NCAPD2: variants seen among roughly 807,000 people sequenced by gnomAD.
NCAPD2 encodes non-SMC condensin I complex subunit D2.
NCAPD2 carries 100 observed loss-of-function variants against 164.5 expected under a neutral mutation model. The observed-to-expected ratio is 0.61, with a 90% CI of 0.52 to 0.72. The LOEUF (loss-of-function observed/expected upper bound fraction) is 0.72. Among genes scored for constraint, NCAPD2 ranks in the 30% least tolerant of loss-of-function variants. NCAPD2 has a pLI of 0.00. For missense variants in NCAPD2, 1,560 were observed against 1,749.2 expected, an observed-to-expected ratio of 0.89 and a Z score of 1.93; for synonymous variants, 585 against 642.6, an observed-to-expected ratio of 0.91 and a Z score of 1.36.
intron 2 of NCAPD2, among the ~76,000 whole-genome samples, chr12:6,504,182 CATATATAT>C (rs1176237960): frequency 3.5e-4 from 20 of 57,740 alleles, no homozygotes; most frequent in Admixed American, 1.5e-3. Context: ...TATATATATA[CATATATAT>C]ATATATATAT....
chr12:6,505,077 T>A (rs1946086625), intron 2 of NCAPD2, among the ~76,000 whole-genome samples: 1 of 152,142 alleles, frequency 6.6e-6, no homozygotes, highest in South Asian at 2.1e-4. Context: ...ATGCAATTTT[T>A]GTTTTGAGAC....
rs543177638 is a variant in NCAPD2 at position 6,526,838 on chromosome 12, G to A, written c.2735-53G>A. 5 of 1,555,370 alleles carry A rather than the reference G, an allele frequency of 3.2e-6. No homozygotes were observed. In the African/African-American group the frequency reaches 6.8e-5, roughly 21 times the overall value. The stretch of plus-strand genomic sequence containing the variant: ...ATCAGTAAAAATCGGATTCAGGTTT[G>A]ATGGGACTTAAAAATGTCTCTTTGC... On this transcript the variant is annotated intron_variant, in intron 21 of 31. Coordinates refer to ENST00000315579, the MANE Select transcript of NCAPD2 (RefSeq NM_014865.4).
Position 6,531,113 on chromosome 12 carries a change from C to A in NCAPD2, c.4120+37C>A, listed in dbSNP as rs758192312. On this transcript the variant is annotated intron_variant, in intron 31 of 31. Coordinates refer to ENST00000315579, the MANE Select transcript of NCAPD2 (RefSeq NM_014865.4). This position sits in a 1 kb window ranked among gnomAD's most constrained non-coding sequence, Gnocchi z 4.1. ...CCGCCTGTTCCCGGCCGAGAAGGCACACAGCTAGGGTGCAGAGGGCTGGTT... is the reference window on the plus strand; with the variant it reads ...CCGCCTGTTCCCGGCCGAGAAGGCAAACAGCTAGGGTGCAGAGGGCTGGTT... 6.2e-7 allele frequency: 1 copy of A among 1,611,144 alleles called. No individual in the cohort carries two copies. Among genetic ancestry groups the A allele is most frequent in the East Asian group, 2.2e-5 (1 of 44,872 alleles).
At chr12:6,507,840 C>T (rs1347017331) in intron 2 of NCAPD2, among the ~76,000 whole-genome samples, 2 of 150,796 alleles carry the variant, frequency 1.3e-5, no homozygotes, top group East Asian at 1.9e-4. Flanking sequence ...AAGGCAGAAA[C>T]GAAAAAAAGA....
intron 12 of NCAPD2, 31 bp downstream of exon 12, chr12:6,517,714 C>T (rs1565543846): frequency 6.2e-7 from 1 of 1,614,030 alleles, no homozygotes. Context: ...AGTCCTAATG[C>T]CAGACAGGCT....
Position 6,531,108 on chromosome 12 carries a change from A to G in NCAPD2, c.4120+32A>G. 1 of 1,611,768 alleles carries G rather than the reference A, an allele frequency of 6.2e-7. No individual in the cohort carries two copies. The highest frequency in any genetic ancestry group is 8.5e-7 in the Non-Finnish European group (1 of 1,179,606). On this transcript the variant is annotated intron_variant, in intron 31 of 31. Transcript: ENST00000315579. The surrounding 1 kb of genome is among the most constrained non-coding windows in gnomAD (Gnocchi z 4.1). ...TGCTCCCGCCTGTTCCCGGCCGAGAAGGCACACAGCTAGGGTGCAGAGGGC... is the reference window on the plus strand; with the variant it reads ...TGCTCCCGCCTGTTCCCGGCCGAGAGGGCACACAGCTAGGGTGCAGAGGGC...
rs3076239 is a variant in NCAPD2 at position 6,523,398 on chromosome 12, G to GTTTTTTTT, written c.2214+62_2214+69dup. Reference sequence around the variant, plus strand: ...TATTCATTCAACAAGTATTTTGGTTGTTTTTTTTTTTTTTTTTGAGACGGA... The same window carrying GTTTTTTTT: ...TATTCATTCAACAAGTATTTTGGTTGTTTTTTTTTTTTTTTTTTTTTTTTTGAGACGGA... On this transcript the variant is annotated intron_variant, in intron 17 of 31. Transcript: ENST00000315579. The GTTTTTTTT allele has an allele frequency of 9.6e-4, 839 of 871,964 alleles. 10 individuals are homozygous for GTTTTTTTT. Among genetic ancestry groups the GTTTTTTTT allele is most frequent in the African/African-American group, 2.8e-3 (126 of 44,642 alleles). The allele number at this position is 871,964 out of a possible 1,614,324, so 54.0% of individuals were successfully genotyped here.
intron 2 of NCAPD2, 132 bp from the exon 3 acceptor site, chr12:6,509,585 T>C: frequency 1.2e-6 from 1 of 859,094 alleles, no homozygotes; most frequent in East Asian, 2.5e-5. Context: ...TAGGTTACAT[T>C]GAAGTGAACT....
Position 6,529,507 on chromosome 12 carries a change from C to T in NCAPD2, c.3573-6C>T, listed in dbSNP as rs1316245326. On this transcript the variant is annotated splice_region_variant and splice_polypyrimidine_tract_variant and intron_variant, in intron 27 of 31. Transcript: ENST00000315579. Reference sequence around the variant, plus strand: ...CATCGAACATCCTCATCTCCCCTTCCTGCAGACAGCTCCTCTCCTACATCA... The same window carrying T: ...CATCGAACATCCTCATCTCCCCTTCTTGCAGACAGCTCCTCTCCTACATCA... The T allele has an allele frequency of 6.2e-7, 1 of 1,613,932 alleles. No individual in the cohort carries two copies.
At chr12:6,504,117 C>T (rs1010220282) in intron 2 of NCAPD2, among the ~76,000 whole-genome samples, 2 of 149,358 alleles carry the variant, frequency 1.3e-5, no homozygotes, top group East Asian at 3.9e-4. Flanking sequence ...AACCATACAG[C>T]GTGCTAAGTG....
At chr12:6,508,428 A>T (rs1946116564) in intron 2 of NCAPD2, among the ~76,000 whole-genome samples, 1 of 152,260 alleles carries the variant, frequency 6.6e-6, no homozygotes, top group Non-Finnish European at 1.5e-5. Flanking sequence ...TGAGCAGGAA[A>T]ATAAATAGTA....
At chr12:6,518,625 A>G (rs969824768) in intron 13 of NCAPD2, among the ~76,000 whole-genome samples, 2 of 144,832 alleles carry the variant, frequency 1.4e-5, no homozygotes, top group Non-Finnish European at 3.0e-5. Flanking sequence ...GGTTCAAGCA[A>G]TTCTCGTGCC....
intron 9 of NCAPD2, among the ~76,000 whole-genome samples, chr12:6,516,167 A>T (rs9706048): frequency 6.7e-6 from 1 of 150,280 alleles, no homozygotes; most frequent in African/African-American, 2.4e-5. Flanking sequence ...CTGCACTCCA[A>T]CCTGGGTGAC....
At chr12:6,513,615 T>C (rs1016040088) in intron 6 of NCAPD2, among the ~76,000 whole-genome samples, 1 of 151,872 alleles carries the variant, frequency 6.6e-6, no homozygotes, top group African/African-American at 2.4e-5. Flanking sequence ...AAGGAGAAAG[T>C]GAGTGATTAA....
intron 13 of NCAPD2, among the ~76,000 whole-genome samples, chr12:6,518,452 T>A (rs1448049279): frequency 6.7e-6 from 1 of 149,668 alleles, no homozygotes; most frequent in Non-Finnish European, 1.5e-5. Context: ...TTTCTCCTAG[T>A]GTTTTTGTGA....
intron 6 of NCAPD2, among the ~76,000 whole-genome samples, chr12:6,513,491 G>C (rs1307683217): frequency 6.6e-6 from 1 of 152,046 alleles, no homozygotes; most frequent in African/African-American, 2.4e-5. Flanking sequence ...CTCCAGCCTG[G>C]GCAACAGAGG....
chr12:6,513,715 C>CTTTTTTTTTTTTTTTTTTTTTTTTTTTT lies in NCAPD2; in HGVS notation c.588-532_588-531insTTTTTTTTTTTTTTTTTTTTTTTTTTTT, dbSNP rs71067124. Among the ~76,000 whole-genome samples the CTTTTTTTTTTTTTTTTTTTTTTTTTTTT allele has an allele frequency of 5.9e-4, 44 of 74,882 alleles. 7 individuals are homozygous for CTTTTTTTTTTTTTTTTTTTTTTTTTTTT. The highest frequency in any genetic ancestry group is 1.7e-3 in the African/African-American group (28 of 16,956). 49.1% of individuals were successfully genotyped at this position (74,882 alleles called of 152,430 possible). A position where few individuals can be genotyped will look rare whatever the true frequency, so the allele number is the denominator to read the frequency against. ...AATGAGAAGTCATTGGTGACTTTGT[C>CTTTTTTTTTTTTTTTTTTTTTTTTTTTT]TTTTTTTTTTTTTTTTTTGTGATGG... On this transcript the variant is annotated intron_variant, in intron 6 of 31. Transcript: ENST00000315579.
chr12:6,499,633 C>T (rs981532892), intron 2 of NCAPD2, among the ~76,000 whole-genome samples: 3 of 151,896 alleles, frequency 2.0e-5, no homozygotes, highest in Admixed American at 2.0e-4. Context: ...CTCAGGTGAT[C>T]TGCCCAACTT....
At chr12:6,529,424 C>A in intron 27 of NCAPD2, 89 bp from the exon 28 acceptor site, 2 of 1,156,492 alleles carry the variant, frequency 1.7e-6, no homozygotes, top group Non-Finnish European at 2.6e-6. Context: ...TCAGAGAAGA[C>A]GAGTGCTGGG....
Sources: allele counts gnomAD v4.1 joint callset (sites outside exome capture counted in the v4.1 genomes callset), GRCh38; gene constraint gnomAD v4.1.1; non-coding constraint Gnocchi (gnomAD v3.1); transcripts MANE v1.5; gene names NCBI Gene and HGNC (gene_info 2026-07-23, HGNC 2026-07-21).